Variants in NOTCH2NLB observed in about 807,000 individuals in gnomAD.
The protein encoded by NOTCH2NLB is notch 2 N-terminal like B.
NOTCH2NLB carries 1 observed loss-of-function variant against 14.8 expected under a neutral mutation model. The observed-to-expected ratio is 0.07, with a 90% CI of 0.02 to 0.32. NOTCH2NLB has a LOEUF of 0.32. Among genes scored for constraint, NOTCH2NLB ranks in the 10% least tolerant of loss-of-function variants. The pLI is 1.00. For missense variants in NOTCH2NLB, 11 were observed against 155.0 expected (o/e 0.07, Z 4.93); for synonymous variants, 6 against 57.5 (o/e 0.10, Z 4.05).
At chr1:148,639,014 G>A (rs1185226514) in intron 2 of NOTCH2NLB, among the ~76,000 whole-genome samples, 2 of 131,522 alleles carry the variant, frequency 1.5e-5, no homozygotes, top group African/African-American at 3.1e-5. Flanking sequence ...AATTGAGGCA[G>A]AAGAAAAAAA....
At chr1:148,670,553 C>CACATATATATATAT (rs1664752833) in intron 1 of NOTCH2NLB, among the ~76,000 whole-genome samples, 16 of 104,232 alleles carry the variant, frequency 1.5e-4, no homozygotes, top group African/African-American at 4.2e-4. Context: ...TATATATATA[C>CACATATATATATAT]ATATATATAT....
chr1:148,670,824 G>A (rs1341209452), intron 1 of NOTCH2NLB, among the ~76,000 whole-genome samples: 2 of 55,436 alleles, frequency 3.6e-5, no homozygotes, highest in African/African-American at 1.2e-4. Flanking sequence ...GAATAATTCT[G>A]TTGCTACGTA....
intron 2 of NOTCH2NLB, among the ~76,000 whole-genome samples, chr1:148,638,273 C>A (rs1664261010): frequency 6.7e-6 from 1 of 149,144 alleles, no homozygotes; most frequent in East Asian, 1.9e-4. Context: ...TTAAGAAACA[C>A]ATTGCTGAAC....
chr1:148,651,162 A>AAATATATATATATATATAT (rs1553341433), intron 1 of NOTCH2NLB, among the ~76,000 whole-genome samples: 2 of 46,042 alleles, frequency 4.3e-5, no homozygotes, highest in African/African-American at 7.7e-5. Flanking sequence ...AAAAAAAAAA[A>AAATATATATATATATATAT]ATATATATAT....
chr1:148,670,539 A>ATATAT (rs1553341886), intron 1 of NOTCH2NLB, among the ~76,000 whole-genome samples: 28 of 93,424 alleles, frequency 3.0e-4, no homozygotes, highest in African/African-American at 1.2e-3. Flanking sequence ...TAAAAAAAAA[A>ATATAT]ATATATATAT....
intron 2 of NOTCH2NLB, among the ~76,000 whole-genome samples, chr1:148,622,854 A>G (rs1663917347): frequency 1.2e-5 from 1 of 84,350 alleles, no homozygotes; most frequent in Admixed American, 1.0e-4. Context: ...AATTGGAACT[A>G]TCATTCATTC....
intron 2 of NOTCH2NLB, among the ~76,000 whole-genome samples, chr1:148,637,534 C>G (rs1248295617): frequency 6.8e-6 from 1 of 147,218 alleles, no homozygotes; most frequent in Non-Finnish European, 1.5e-5. Flanking sequence ...ATTTGCCTCT[C>G]TGTATGGTAT....
At chr1:148,604,950 TACACACACACACACACAC>T (rs1186780760), downstream of NOTCH2NLB, among the ~76,000 whole-genome samples, 7 of 126,368 alleles carry the variant, frequency 5.5e-5, no homozygotes, top group African/African-American at 1.2e-4. Flanking sequence ...CAACGCCATA[TACACACACACACACACAC>T]ACACACACAC....
Position 148,676,949 on chromosome 1 carries a change from T to A in NOTCH2NLB, c.3+2513A>T, listed in dbSNP as rs1364598245. On this transcript the variant is annotated intron_variant, in intron 1 of 4. Transcript: ENST00000593495. ...ACCACACCAAAAAAAAAAGGAATAA[T>A]AAGAAAGTGAAAGGAAAAATAGTTT... is the stretch of plus-strand genomic sequence containing the variant. Among the ~76,000 whole-genome samples, 204 of 60,336 alleles carry A rather than the reference T, an allele frequency of 3.4e-3. 26 individuals are homozygous for A. The highest frequency in any genetic ancestry group is 9.7e-3 in the African/African-American group (193 of 19,918). The allele number at this position is 60,336 out of a possible 152,430, so 39.6% of individuals were successfully genotyped here. A position where few individuals can be genotyped will look rare whatever the true frequency, so the allele number is the denominator to read the frequency against.
At chr1:148,638,018 G>T (rs1664252729) in intron 2 of NOTCH2NLB, among the ~76,000 whole-genome samples, 2 of 148,038 alleles carry the variant, frequency 1.4e-5, no homozygotes, top group African/African-American at 5.1e-5. Flanking sequence ...TTGGTTCCAA[G>T]TCTTTCCTAC....
intron 2 of NOTCH2NLB, among the ~76,000 whole-genome samples, chr1:148,637,049 T>C (rs1477590370): frequency 8.5e-6 from 1 of 117,862 alleles, no homozygotes; most frequent in Non-Finnish European, 1.7e-5. Flanking sequence ...AGGGACAGAA[T>C]TTAGGCAGCT....
intron 2 of NOTCH2NLB, among the ~76,000 whole-genome samples, chr1:148,616,390 T>C (rs1317013341): frequency 1.3e-5 from 2 of 149,356 alleles, no homozygotes; most frequent in Non-Finnish European, 3.0e-5. Context: ...ATGCATGAAC[T>C]TGACCCTATT....
At chr1:148,638,409 A>G (rs1393784556) in intron 2 of NOTCH2NLB, among the ~76,000 whole-genome samples, 5 of 149,158 alleles carry the variant, frequency 3.4e-5, no homozygotes, top group South Asian at 4.3e-4. Flanking sequence ...AACTACCACA[A>G]GAGTTGCATA....
Position 148,679,238 on chromosome 1 carries a change from C to CGGCGGGGAACCCCGGCGGTT in NOTCH2NLB, c.3+204_3+223dup, listed in dbSNP as rs1475448655. 2.1e-3 allele frequency among the ~76,000 whole-genome samples: 52 copies of CGGCGGGGAACCCCGGCGGTT among 24,802 alleles called. 1 individual carries two copies. In the East Asian group the frequency reaches 0.044, roughly 21 times the overall value. 16.3% of individuals were successfully genotyped at this position (24,802 alleles called of 152,430 possible). A position where few individuals can be genotyped will look rare whatever the true frequency, so the allele number is the denominator to read the frequency against. The stretch of plus-strand genomic sequence containing the variant: ...GGTCCCGGGCCGCGGGGAGCAGAGG[C>CGGCGGGGAACCCCGGCGGTT]GGCGGGGAACCCCGGCGGTTGGCGG... On this transcript the variant is annotated intron_variant, in intron 1 of 4. Coordinates refer to ENST00000593495, the Ensembl canonical transcript of NOTCH2NLB.
At chr1:148,637,282 ATGGTCTCCAACCT>A (rs1416351584) in intron 2 of NOTCH2NLB, among the ~76,000 whole-genome samples, 4 of 139,482 alleles carry the variant, frequency 2.9e-5, no homozygotes, top group Admixed American at 7.0e-5. Flanking sequence ...GTTAGCCAGG[ATGGTCTCCAACCT>A]TGGTTGGAGA....
intron 1 of NOTCH2NLB, among the ~76,000 whole-genome samples, chr1:148,673,793 AAAAC>A (rs1458727365): frequency 1.4e-5 from 2 of 146,052 alleles, no homozygotes; most frequent in South Asian, 2.3e-4. Flanking sequence ...ATACTCTCAA[AAAAC>A]AAACAAACAA....
the NOTCH2NLB span, among the ~76,000 whole-genome samples, chr1:148,712,468 A>G: frequency 1.3e-5 from 2 of 152,410 alleles, no homozygotes; most frequent in South Asian, 4.1e-4. Context: ...TATGTGATGA[A>G]ACGTCCAGAT....
intron 2 of NOTCH2NLB, among the ~76,000 whole-genome samples, chr1:148,627,460 AGATTTT>A (rs1427619895): frequency 5.2e-5 from 7 of 134,542 alleles, no homozygotes; most frequent in Admixed American, 3.6e-4. Context: ...TTGAATTCTT[AGATTTT>A]GACAGTATAC....
At chr1:148,658,549 A>ATTT (rs1664569615) in intron 1 of NOTCH2NLB, among the ~76,000 whole-genome samples, 1 of 31,112 alleles carries the variant, frequency 3.2e-5, no homozygotes, top group Non-Finnish European at 7.1e-5. Context: ...GCCCAATACC[A>ATTT]CTTTTTTTTT....
Sources: gnomAD v4.1 joint callset for allele counts (sites outside exome capture counted in the v4.1 genomes callset) on GRCh38, gnomAD v4.1.1 for gene constraint, MANE v1.5 for transcripts, NCBI Gene and HGNC (gene_info 2026-07-23, HGNC 2026-07-21) for gene names.